Variants in ZMYND11 observed in about 807,000 individuals in gnomAD.
ZMYND11 encodes the protein zinc finger MYND-type containing 11.
A neutral mutation model predicts 84.9 loss-of-function variants in ZMYND11; 9 were observed. The ratio of observed to expected loss-of-function variants is 0.11; its 90% CI spans 0.06 to 0.18. ZMYND11 has a LOEUF of 0.18. ZMYND11 is among the 10% of genes least tolerant of loss of function. The pLI, the probability that ZMYND11 is intolerant of heterozygous loss-of-function variation, is 1.00. For missense variants in ZMYND11, 409 were observed against 761.0 expected (o/e 0.54, Z 5.44); for synonymous variants, 250 against 244.1 (o/e 1.02, Z -0.23).
At chr10:249,857 TTTAAATCTGTGACAAAGA>T in intron 14 of ZMYND11, 1 of 845,430 alleles carries the variant, frequency 1.2e-6, no homozygotes, top group Non-Finnish European at 1.4e-6. Flanking sequence ...AAGAAATATT[TTTAAATCTGTGACAAAGA>T]TTTGGCAAGA....
At chr10:169,102 A>G (rs1351620457) in intron 1 of ZMYND11, among the ~76,000 whole-genome samples, 1 of 152,240 alleles carries the variant, frequency 6.6e-6, no homozygotes, top group Non-Finnish European at 1.5e-5. Flanking sequence ...TGGTATTACC[A>G]AAGCCTAACC....
chr10:243,442 T>C (rs1276422348), intron 10 of ZMYND11, among the ~76,000 whole-genome samples: 8 of 151,214 alleles, frequency 5.3e-5, no homozygotes, highest in Non-Finnish European at 1.2e-4. Context: ...TTAGAACTTT[T>C]TATCTATATA....
chr10:205,049 C>T (rs1362501603), intron 2 of ZMYND11, among the ~76,000 whole-genome samples: 1 of 152,040 alleles, frequency 6.6e-6, no homozygotes, highest in African/African-American at 2.4e-5. Context: ...GTTTGAGTCT[C>T]ATTGGAGTTA....
intron 1 of ZMYND11, among the ~76,000 whole-genome samples, chr10:165,697 G>C (rs782049310): frequency 2.6e-5 from 4 of 151,608 alleles, no homozygotes; most frequent in African/African-American, 9.7e-5. Context: ...ATTAAGTTGT[G>C]ATATTTTTTC....
intron 3 of ZMYND11, among the ~76,000 whole-genome samples, chr10:214,485 A>G (rs1206207818): frequency 6.6e-6 from 1 of 152,156 alleles, no homozygotes. Context: ...ACTAGTTTCT[A>G]CACTCTATGG....
At chr10:168,967 G>T (rs1275108991) in intron 1 of ZMYND11, among the ~76,000 whole-genome samples, 1 of 152,132 alleles carries the variant, frequency 6.6e-6, no homozygotes, top group African/African-American at 2.4e-5. Context: ...ACCTCTAGGA[G>T]CTTGACCTCA....
At chr10:176,613 C>A (rs1252817673) in intron 1 of ZMYND11, among the ~76,000 whole-genome samples, 1 of 152,006 alleles carries the variant, frequency 6.6e-6, no homozygotes, top group East Asian at 1.9e-4. Context: ...TAAAACAATT[C>A]TTTTGAGGAA....
intron 14 of ZMYND11, among the ~76,000 whole-genome samples, chr10:251,752 G>A (rs1334318157): frequency 6.6e-6 from 1 of 152,118 alleles, no homozygotes; most frequent in Non-Finnish European, 1.5e-5. Flanking sequence ...CTTTGGGGGA[G>A]GTGTACATGG....
At position 254,198 on chromosome 10, in the gene ZMYND11, G is replaced by T. The variant is rs1953988426; in HGVS notation, c.*1728G>T. 6.6e-6 allele frequency: 1 copy of T among 152,470 alleles called. No homozygotes were observed. The highest frequency in any genetic ancestry group is 6.6e-5 in the Admixed American group (1 of 15,266). The allele number at this position is 152,470 out of a possible 1,614,324, so 9.4% of individuals were successfully genotyped here. A position where few individuals can be genotyped will look rare whatever the true frequency, so the allele number is the denominator to read the frequency against. On this transcript the variant is annotated 3_prime_UTR_variant, in exon 15 of 15. Transcript: ENST00000381604. ...AAGACTTCGATCCACCCCTATGAGAGCAAGTAATTGTGGAAATATTTTTGG... is the reference window on the plus strand; with the variant it reads ...AAGACTTCGATCCACCCCTATGAGATCAAGTAATTGTGGAAATATTTTTGG...
chr10:208,922 CTA>C (rs1335129900), intron 2 of ZMYND11, among the ~76,000 whole-genome samples: 4 of 152,062 alleles, frequency 2.6e-5, no homozygotes, highest in African/African-American at 9.7e-5. Flanking sequence ...TTAGCTCACA[CTA>C]TGTTTTTTAT....
At chr10:137,417 AG>A in intron 1 of ZMYND11, among the ~76,000 whole-genome samples, 1 of 152,302 alleles carries the variant, frequency 6.6e-6, no homozygotes, top group East Asian at 1.9e-4. Flanking sequence ...AGTCATATGG[AG>A]GCAAGAACAT....
intron 3 of ZMYND11, among the ~76,000 whole-genome samples, chr10:215,927 A>G (rs1427867816): frequency 6.6e-6 from 1 of 152,152 alleles, no homozygotes; most frequent in Non-Finnish European, 1.5e-5. Flanking sequence ...ACACATATTA[A>G]AACAGCATAA....
At chr10:246,268 C>T (rs964792043) in intron 10 of ZMYND11, among the ~76,000 whole-genome samples, 4 of 152,182 alleles carry the variant, frequency 2.6e-5, no homozygotes, top group African/African-American at 9.7e-5. Flanking sequence ...ATTTTTAGAT[C>T]TTCCCATTTT....
upstream of ZMYND11, among the ~76,000 whole-genome samples, chr10:133,224 A>G (rs1835365272): frequency 6.6e-6 from 1 of 152,254 alleles, no homozygotes; most frequent in Non-Finnish European, 1.5e-5. Flanking sequence ...TCCTTTGAAG[A>G]AAAGCAATGT....
chr10:172,607 A>G (rs1845613942), intron 1 of ZMYND11, among the ~76,000 whole-genome samples: 1 of 152,204 alleles, frequency 6.6e-6, no homozygotes, highest in Admixed American at 6.5e-5. Context: ...AAAAGATTAA[A>G]TAAATGATGA....
chr10:138,425 G>A (rs1459192702), intron 1 of ZMYND11, among the ~76,000 whole-genome samples: 2 of 152,104 alleles, frequency 1.3e-5, no homozygotes, highest in African/African-American at 2.4e-5. Flanking sequence ...CCCTGTTGGC[G>A]TTTTGAATGG....
chr10:141,468 C>T (rs1554753975), intron 1 of ZMYND11, among the ~76,000 whole-genome samples: 2 of 152,154 alleles, frequency 1.3e-5, no homozygotes, highest in African/African-American at 2.4e-5. Context: ...CTACTGCACT[C>T]CGACCTGGGT....
At chr10:189,817 C>G (rs1251358026) in intron 2 of ZMYND11, among the ~76,000 whole-genome samples, 1 of 152,216 alleles carries the variant, frequency 6.6e-6, no homozygotes, top group Non-Finnish European at 1.5e-5. Context: ...TGGAGTCTAT[C>G]AGTTTACAAC....
intron 11 of ZMYND11, among the ~76,000 whole-genome samples, 180 bp from the exon 12 acceptor site, chr10:247,218 G>C (rs1952337610): frequency 6.6e-6 from 1 of 152,198 alleles, no homozygotes; most frequent in South Asian, 2.1e-4. Context: ...AAGGTGCGCT[G>C]GCTCTTTCAA....
Sources: allele counts gnomAD v4.1 joint callset (sites outside exome capture counted in the v4.1 genomes callset), GRCh38; gene constraint gnomAD v4.1.1; transcripts MANE v1.5; gene names NCBI Gene and HGNC (gene_info 2026-07-23, HGNC 2026-07-21).